Variants in EYA1 observed in about 807,000 individuals in gnomAD.
The protein encoded by EYA1 is EYA transcriptional coactivator and phosphatase 1, also known as protein phosphatase EYA1.
EYA1 carries 16 observed loss-of-function variants against 82.0 expected under a neutral mutation model. That is an observed-to-expected ratio of 0.20 (90% CI 0.13 to 0.30). The LOEUF (loss-of-function observed/expected upper bound fraction) is 0.30. Ranked by LOEUF, EYA1 falls within the 10% of genes least tolerant of loss-of-function variation. EYA1 has a pLI of 1.00. For missense variants in EYA1, 633 were observed against 730.7 expected (o/e 0.87, Z 1.54); for synonymous variants, 261 against 264.4 (o/e 0.99, Z 0.12).
At chr8:71,531,658 G>C in intron 2 of EYA1, among the ~76,000 whole-genome samples, 1 of 152,032 alleles carries the variant, frequency 6.6e-6, no homozygotes, top group East Asian at 1.9e-4. Context: ...TGTGTTTCCA[G>C]TGTTTACCTT....
chr8:71,509,730 A>G (rs936346239), intron 2 of EYA1, among the ~76,000 whole-genome samples: 1 of 152,226 alleles, frequency 6.6e-6, no homozygotes, highest in Non-Finnish European at 1.5e-5. Context: ...GCTCACAAAT[A>G]TAAAGAATGC....
chr8:71,403,445 A>C (rs1246726325), intron 2 of EYA1: 1 of 152,200 alleles, frequency 6.6e-6, no homozygotes, highest in Non-Finnish European at 1.5e-5. Flanking sequence ...ACATATTGGA[A>C]ACATGAGTTG....
chr8:71,471,426 G>A (rs932276465), intron 2 of EYA1, among the ~76,000 whole-genome samples: 1 of 151,914 alleles, frequency 6.6e-6, no homozygotes, highest in African/African-American at 2.4e-5. Context: ...ATGTGTATAA[G>A]GATTGCATAA....
chr8:71,494,355 T>C (rs1811256293), intron 2 of EYA1, among the ~76,000 whole-genome samples: 1 of 152,196 alleles, frequency 6.6e-6, no homozygotes. Context: ...TATTTTTTTT[T>C]AGTTTATACG....
At chr8:71,493,184 T>G (rs990057972) in intron 2 of EYA1, among the ~76,000 whole-genome samples, 1 of 152,258 alleles carries the variant, frequency 6.6e-6, no homozygotes, top group African/African-American at 2.4e-5. Flanking sequence ...TTTAGGTTGA[T>G]TCCATGTCTT....
At chr8:71,544,498 C>T (rs1430167332) in intron 1 of EYA1, among the ~76,000 whole-genome samples, 1 of 152,162 alleles carries the variant, frequency 6.6e-6, no homozygotes, top group Admixed American at 6.5e-5. Flanking sequence ...GAGGCTTTTC[C>T]TTATACTAAG....
chr8:71,451,953 A>C (rs1174740393), intron 2 of EYA1, among the ~76,000 whole-genome samples: 1 of 152,166 alleles, frequency 6.6e-6, no homozygotes, highest in Non-Finnish European at 1.5e-5. Context: ...ACCGAGCTTG[A>C]GCCAAAGCAG....
At chr8:71,525,487 G>A (rs1038846408) in intron 2 of EYA1, among the ~76,000 whole-genome samples, 1 of 152,030 alleles carries the variant, frequency 6.6e-6, no homozygotes. Context: ...TTTGCACAAA[G>A]GACATGAAAT....
intron 17 of EYA1, among the ~76,000 whole-genome samples, chr8:71,202,521 C>A (rs1807173285): frequency 6.6e-6 from 1 of 152,062 alleles, no homozygotes; most frequent in South Asian, 2.1e-4. Context: ...TAATAAGAAC[C>A]ACCTGGTCAA....
At chr8:71,306,655 C>T (rs1286056754) in intron 7 of EYA1, among the ~76,000 whole-genome samples, 1 of 152,092 alleles carries the variant, frequency 6.6e-6, no homozygotes, top group Non-Finnish European at 1.5e-5. Context: ...CAGTCTTGCT[C>T]CTCTTAATGC....
At position 71,334,766 on chromosome 8, in the gene EYA1, C is replaced by G. The variant is rs946712848; in HGVS notation, c.125-592G>C. On this transcript the variant is annotated intron_variant, in intron 3 of 17. Transcript: ENST00000340726. ...ACCAATATTTTATGTATGCTTCGTA[C>G]CAAAAACATAACTGAATGTAAATGA... 2.0e-5 allele frequency among the ~76,000 whole-genome samples: 3 copies of G among 152,146 alleles called. No homozygotes were observed. The South Asian group carries it at 6.2e-4, about 31-fold the overall frequency.
chr8:71,527,258 G>A (rs1586889423), intron 2 of EYA1, among the ~76,000 whole-genome samples: 1 of 152,140 alleles, frequency 6.6e-6, no homozygotes, highest in East Asian at 1.9e-4. Flanking sequence ...GAGTTCACAC[G>A]GATGCTTGAC....
At chr8:71,448,025 T>TTTTTTTTTTTTTTAGGGAACGGAG (rs935912194) in intron 2 of EYA1, among the ~76,000 whole-genome samples, 1 of 116,736 alleles carries the variant, frequency 8.6e-6, no homozygotes, top group Non-Finnish European at 1.7e-5. Context: ...TTTTTTTTTT[T>TTTTTTTTTTTTTTAGGGAACGGAG]TCTCGCTCCG....
chr8:71,332,209 T>C (rs760810843), intron 4 of EYA1, among the ~76,000 whole-genome samples: 5 of 152,162 alleles, frequency 3.3e-5, no homozygotes, highest in Admixed American at 6.5e-5. Context: ...CCATGTCATA[T>C]ATATTAGCTT....
intron 1 of EYA1, among the ~76,000 whole-genome samples, chr8:71,544,340 A>T (rs546001969): frequency 6.6e-6 from 1 of 152,342 alleles, no homozygotes; most frequent in African/African-American, 2.4e-5. Flanking sequence ...ATCATCCGAA[A>T]CATCCTTGGC....
At chr8:71,471,507 G>T (rs1809207410) in intron 2 of EYA1, among the ~76,000 whole-genome samples, 1 of 152,076 alleles carries the variant, frequency 6.6e-6, no homozygotes, top group East Asian at 1.9e-4. Flanking sequence ...TCTATATGTA[G>T]ATGATCAGCT....
At chr8:71,485,190 T>G (rs1201262680) in intron 2 of EYA1, among the ~76,000 whole-genome samples, 2 of 152,224 alleles carry the variant, frequency 1.3e-5, no homozygotes, top group East Asian at 3.9e-4. Flanking sequence ...CTAAGTAACA[T>G]TAGATAAAGT....
chr8:71,542,009 C>A (rs1815175750), intron 1 of EYA1, among the ~76,000 whole-genome samples: 1 of 152,104 alleles, frequency 6.6e-6, no homozygotes, highest in Non-Finnish European at 1.5e-5. Context: ...ATGACTACAC[C>A]TAAATGATGA....
chr8:71,317,082 A>C (rs1165770219), intron 7 of EYA1, among the ~76,000 whole-genome samples: 1 of 152,166 alleles, frequency 6.6e-6, no homozygotes, highest in Admixed American at 6.5e-5. Flanking sequence ...ATTATTCAAC[A>C]CTTATCACAT....
Sources: gnomAD v4.1 joint callset for allele counts (sites outside exome capture counted in the v4.1 genomes callset) on GRCh38, gnomAD v4.1.1 for gene constraint, MANE v1.5 for transcripts, NCBI Gene and HGNC (gene_info 2026-07-23, HGNC 2026-07-21) for gene names.